PTPRT: variants seen among roughly 807,000 people sequenced by gnomAD.
PTPRT encodes the protein receptor-type tyrosine-protein phosphatase T.
Under a neutral mutation model 176.8 loss-of-function variants are expected in PTPRT, and 56 were observed. The ratio of observed to expected loss-of-function variants is 0.32; its 90% confidence interval spans 0.26 to 0.40. The LOEUF is 0.40. Ranked by LOEUF, PTPRT falls within the 10% of genes least tolerant of loss-of-function variation. PTPRT has a pLI of 1.00. For missense variants in PTPRT, 1,540 were observed against 1,908.2 expected (o/e 0.81, Z 3.60); for synonymous variants, 783 against 739.0 (o/e 1.06, Z -0.96).
At chr20:42,887,384 T>C (rs1442543591) in intron 1 of PTPRT, among the ~76,000 whole-genome samples, 1 of 152,192 alleles carries the variant, frequency 6.6e-6, no homozygotes, top group African/African-American at 2.4e-5. Context: ...CCTCACCAGA[T>C]GCTGAATCTG....
intron 11 of PTPRT, among the ~76,000 whole-genome samples, chr20:42,338,458 A>G (rs1204288934): frequency 6.6e-6 from 1 of 152,150 alleles, no homozygotes; most frequent in African/African-American, 2.4e-5. Context: ...TTCAACTCCT[A>G]TTGTGACTTT....
At chr20:42,559,700 A>G (rs1178206219) in intron 7 of PTPRT, among the ~76,000 whole-genome samples, 2 of 152,196 alleles carry the variant, frequency 1.3e-5, no homozygotes, top group Non-Finnish European at 2.9e-5. Context: ...GTCTCCAAAC[A>G]TCTCTGCTGA....
At chr20:42,910,196 A>T (rs2079527176) in intron 1 of PTPRT, among the ~76,000 whole-genome samples, 1 of 152,142 alleles carries the variant, frequency 6.6e-6, no homozygotes, top group African/African-American at 2.4e-5. Context: ...GGAGTTCAAA[A>T]CTGTTTTGAT....
chr20:42,353,837 C>A (rs938662664), intron 9 of PTPRT, among the ~76,000 whole-genome samples: 1 of 152,110 alleles, frequency 6.6e-6, no homozygotes, highest in Non-Finnish European at 1.5e-5. Context: ...TTGCTAGAAC[C>A]AGGAGTTTGA....
chr20:42,496,546 G>T (rs1302525843), intron 7 of PTPRT, among the ~76,000 whole-genome samples: 1 of 151,864 alleles, frequency 6.6e-6, no homozygotes, highest in Non-Finnish European at 1.5e-5. Flanking sequence ...TCTCTAACAA[G>T]TTGTCCGCTG....
intron 11 of PTPRT, among the ~76,000 whole-genome samples, chr20:42,317,982 T>C (rs1471607293): frequency 1.3e-5 from 2 of 152,154 alleles, no homozygotes. Flanking sequence ...GGGTGTACCA[T>C]TTCCAAGTGA....
At chr20:42,360,902 C>G (rs2058423413) in intron 9 of PTPRT, among the ~76,000 whole-genome samples, 1 of 152,148 alleles carries the variant, frequency 6.6e-6, no homozygotes, top group Admixed American at 6.5e-5. Context: ...TGCCAAGCAC[C>G]CAGCTTGGCA....
chr20:42,572,057 G>A (rs867940655), intron 7 of PTPRT, among the ~76,000 whole-genome samples: 79 of 152,260 alleles, frequency 5.2e-4, no homozygotes, highest in African/African-American at 1.8e-3. Context: ...GGAAGTCCAA[G>A]ACTGAGACTC....
At chr20:42,265,318 C>T (rs1304410205) in intron 13 of PTPRT, among the ~76,000 whole-genome samples, 4 of 152,064 alleles carry the variant, frequency 2.6e-5, no homozygotes, top group Non-Finnish European at 2.9e-5. Flanking sequence ...CTAGTTTCAT[C>T]ATTTCAGAGT....
At chr20:42,773,154 A>G (rs1195321397) in intron 4 of PTPRT, among the ~76,000 whole-genome samples, 2 of 152,228 alleles carry the variant, frequency 1.3e-5, no homozygotes, top group Non-Finnish European at 2.9e-5. Context: ...GTTTCTGTCC[A>G]TGCTCCCAAA....
intron 7 of PTPRT, among the ~76,000 whole-genome samples, chr20:42,662,528 C>T (rs2075241833): frequency 6.6e-6 from 1 of 152,120 alleles, no homozygotes; most frequent in Non-Finnish European, 1.5e-5. Flanking sequence ...TGGGGTAAGC[C>T]TTGCAGAGCA....
chr20:42,411,530 AAAAAAAAAAAG>A (rs1219249864), intron 9 of PTPRT, among the ~76,000 whole-genome samples: 7 of 151,142 alleles, frequency 4.6e-5, no homozygotes, highest in African/African-American at 1.7e-4. Flanking sequence ...AAAAAAAAAA[AAAAAAAAAAAG>A]AAAAAAGAAA....
At chr20:42,812,125 T>C (rs1032793296) in intron 2 of PTPRT, among the ~76,000 whole-genome samples, 2 of 152,094 alleles carry the variant, frequency 1.3e-5, no homozygotes, top group Non-Finnish European at 2.9e-5. Flanking sequence ...TGGGTAATTC[T>C]GTATTTATCC....
chr20:42,585,704 T>C (rs1568996844), intron 7 of PTPRT, among the ~76,000 whole-genome samples: 1 of 152,158 alleles, frequency 6.6e-6, no homozygotes. Flanking sequence ...ATCAATCATC[T>C]CCTGTACAAG....
intron 2 of PTPRT, among the ~76,000 whole-genome samples, chr20:42,805,326 G>T (rs2077589900): frequency 6.6e-6 from 1 of 152,154 alleles, no homozygotes; most frequent in East Asian, 1.9e-4. Context: ...AATTTTTCCT[G>T]AAGAAGAGGC....
In PTPRT at chr20:42,724,081, C is replaced by T. The variant is rs6030437; in HGVS notation, c.859+32381G>A. Among the ~76,000 whole-genome samples, 1,368 of 152,296 alleles carry T rather than the reference C, an allele frequency of 9.0e-3. 25 individuals are homozygous for T. The highest frequency in any genetic ancestry group is 0.032 in the African/African-American group (1,314 of 41,570). ...GTGTGAATTGAATCATTTGTTCATTCAGCAAATATTCATTGAACACCCACT... is the reference window on the plus strand; with the variant it reads ...GTGTGAATTGAATCATTTGTTCATTTAGCAAATATTCATTGAACACCCACT... On this transcript the variant is annotated intron_variant, in intron 6 of 30. Transcript: ENST00000373187.
chr20:42,443,419 G>T (rs2059336664), intron 9 of PTPRT, among the ~76,000 whole-genome samples: 1 of 152,238 alleles, frequency 6.6e-6, no homozygotes. Flanking sequence ...GGCCGTTGGT[G>T]CTGCCTCTAT....
intron 1 of PTPRT, among the ~76,000 whole-genome samples, chr20:43,144,751 T>C (rs954969003): frequency 7.9e-5 from 12 of 152,028 alleles, no homozygotes; most frequent in Admixed American, 2.6e-4. Context: ...GTGATGATGA[T>C]TGCACAACTC....
At chr20:42,995,640 G>GTCT (rs1176198623) in intron 1 of PTPRT, among the ~76,000 whole-genome samples, 2 of 152,138 alleles carry the variant, frequency 1.3e-5, no homozygotes, top group Admixed American at 6.5e-5. Flanking sequence ...AGGAAGGACT[G>GTCT]TCTTCTTCTT....
Sources: gnomAD v4.1 joint callset for allele counts (sites outside exome capture counted in the v4.1 genomes callset) on GRCh38, gnomAD v4.1.1 for gene constraint, MANE v1.5 for transcripts, NCBI Gene and HGNC (gene_info 2026-07-23, HGNC 2026-07-21) for gene names.